Variants in RGS14 observed in about 807,000 individuals in gnomAD.
RGS14 encodes regulator of G-protein signaling 14.
RGS14 carries 33 observed loss-of-function variants against 63.8 expected under a neutral mutation model. The ratio of observed to expected loss-of-function variants is 0.52; its 90% CI spans 0.39 to 0.69. The LOEUF (loss-of-function observed/expected upper bound fraction) is 0.69, where lower values mean the gene tolerates loss of function less well. Among genes scored for constraint, RGS14 ranks in the 30% least tolerant of loss-of-function variants. The probability of loss-of-function intolerance (pLI) is 0.00; values close to 1 mark genes in which losing one functional copy is unlikely to be tolerated. For synonymous variants in RGS14, 296 were observed against 320.9 expected, an observed-to-expected ratio of 0.92 and a Z score of 0.83; for missense variants, 739 against 742.9, an observed-to-expected ratio of 0.99 and a Z score of 0.06.
chr5:177,367,943 A>T (rs1762141812), intron 7 of RGS14, 118 bp downstream of exon 7: 1 of 1,437,694 alleles, frequency 7.0e-7, no homozygotes. Context: ...ATTGAAACCC[A>T]GGTCCCAGTG....
chr5:177,370,607 A>G lies in RGS14; in HGVS notation c.1070A>G (p.Gln357Arg). The G allele has an allele frequency of 6.2e-7, 1 of 1,614,094 alleles. No homozygotes were observed. The highest frequency in any genetic ancestry group is 1.6e-4 in the Middle Eastern group (1 of 6,062). The change falls in exon 10 of 15, where the codon CAG (glutamine) becomes CGG (arginine). Residue 357 changes from glutamine to arginine, a missense_variant. Coordinates refer to ENST00000408923, the MANE Select transcript of RGS14 (RefSeq NM_006480.5). Reference sequence around the variant, plus strand: ...CCACAGAAGGCCCTGGTCCTGGATCAGGACTGCACCGTGCTGGCGGATCAG... The same window carrying G: ...CCACAGAAGGCCCTGGTCCTGGATCGGGACTGCACCGTGCTGGCGGATCAG... Reference protein sequence around the residue: ...VGNEQALVLDQDCTVLADQEV... With the variant: ...VGNEQALVLDRDCTVLADQEV...
chr5:177,366,127 G>C (rs199806053), intron 2 of RGS14, 50 bp from the exon 3 acceptor site: 41 of 1,603,798 alleles, frequency 2.6e-5, no homozygotes, highest in Non-Finnish European at 3.5e-5. Context: ...GTTGTGCCAG[G>C]GGCTGGGGAA....
chr5:177,367,330 C>A, intron 5 of RGS14, 84 bp from the exon 6 acceptor site: 1 of 1,478,700 alleles, frequency 6.8e-7, no homozygotes, highest in South Asian at 1.3e-5. Flanking sequence ...GGGGCGGGGC[C>A]AGCCCCAAGG....
In RGS14 at chr5:177,371,927, GC is replaced by G; in HGVS notation, c.1555del (p.Leu519PhefsTer2). The G allele has an allele frequency of 6.2e-7, 1 of 1,614,082 alleles. No homozygotes were observed. The highest frequency in any genetic ancestry group is 1.1e-5 in the South Asian group (1 of 91,088). On this transcript the variant is annotated frameshift_variant, in exon 15 of 15. Transcript: ENST00000408923. LOFTEE classifies it high-confidence loss of function. This position sits in a 1 kb window ranked among gnomAD's most constrained non-coding sequence, Gnocchi z 6.1. Reference protein sequence around the residue: ...VQSSGAHDQRGLLRKEDLVLP... With the variant: ...VQSSGAHDQRXLLRKEDLVLP... ...AGCAGCGGGGCCCACGACCAGAGGG[GC>G]CTTCTGAGGAAAGAGGACCTGGTAC...
chr5:177,358,001 CG>C lies in RGS14; in HGVS notation c.-20del. ...TCCCCATGGTGGGCAGCCCCCGCGG[CG>C]GGGACCCCTGATCGGCAGCGGCATG... On this transcript the variant is annotated 5_prime_UTR_variant, in exon 1 of 15. It removes the in-frame stop codon of an upstream open reading frame in the 5' UTR. Transcript: ENST00000408923. This position sits in a 1 kb window ranked among gnomAD's most constrained non-coding sequence, Gnocchi z 4.8. The C allele has an allele frequency of 1.5e-6, 2 of 1,344,368 alleles. No individual in the cohort carries two copies. Among genetic ancestry groups the C allele is most frequent in the Non-Finnish European group, 9.6e-7 (1 of 1,038,886 alleles). 83.3% of individuals were successfully genotyped at this position (1,344,368 alleles called of 1,614,324 possible).
intron 5 of RGS14, 109 bp from the exon 6 acceptor site, chr5:177,367,305 T>TCCAGCCCTAGGTTTGGGGCGGGG: frequency 7.1e-7 from 1 of 1,408,184 alleles, no homozygotes; most frequent in South Asian, 1.4e-5. Flanking sequence ...GCTTGGGAAA[T>TCCAGCCCTAGGTTTGGGGCGGGG]CCAGCCCTAG....
At position 177,358,213 on chromosome 5, in the gene RGS14, G is replaced by C; in HGVS notation, c.45+144G>C. The C allele has an allele frequency of 3.3e-6, 2 of 599,280 alleles. No individual in the cohort carries two copies. The highest frequency in any genetic ancestry group is 5.0e-6 in the Non-Finnish European group (2 of 400,262). The allele number at this position is 599,280 out of a possible 1,614,324, so 37.1% of individuals were successfully genotyped here. On this transcript the variant is annotated intron_variant, in intron 1 of 14. Coordinates refer to ENST00000408923, the MANE Select transcript of RGS14 (RefSeq NM_006480.5). This position sits in a 1 kb window ranked among gnomAD's most constrained non-coding sequence, Gnocchi z 4.8. ...AGTTGGGTACAGACAGCAGCAGGTG[G>C]TAGGACCTGGTGCTCTCACCCCTAG...
intron 3 of RGS14, 113 bp from the exon 4 acceptor site, chr5:177,366,595 T>A: frequency 1.0e-6 from 1 of 981,594 alleles, no homozygotes; most frequent in Non-Finnish European, 1.6e-6. Flanking sequence ...TGGCCCTGTC[T>A]GTCTGGCTTG....
rs11746443 is a variant in RGS14 at position 177,371,305 on chromosome 5, G to A, written c.1337-45G>A. On this transcript the variant is annotated intron_variant, in intron 12 of 14. Transcript: ENST00000408923. This position sits in a 1 kb window ranked among gnomAD's most constrained non-coding sequence, Gnocchi z 6.1. Reference sequence around the variant, plus strand: ...ACAGCTGTGGCCCAGGAGGAAGGGGGTCCAGGTGGGAGGCAAACACTAACT... The same window carrying A: ...ACAGCTGTGGCCCAGGAGGAAGGGGATCCAGGTGGGAGGCAAACACTAACT... The A allele has an allele frequency of 0.25, 409,586 of 1,613,770 alleles. 54,290 individuals carry two copies. Among genetic ancestry groups the A allele is most frequent in the South Asian group, 0.28 (25,166 of 91,068 alleles).
At position 177,364,949 on chromosome 5, in the gene RGS14, C is replaced by T. The variant is rs1197009645; in HGVS notation, c.46-1014C>T. Among the ~76,000 whole-genome samples the T allele has an allele frequency of 2.0e-5, 3 of 152,148 alleles. No individual in the cohort carries two copies. The highest frequency in any genetic ancestry group is 7.2e-5 in the African/African-American group (3 of 41,410). ...CAGGCCCCATCTTGGACCTACTGAA[C>T]CTGAATCTCCAGAGGTGGGGTCCTC... is the stretch of plus-strand genomic sequence containing the variant. On this transcript the variant is annotated intron_variant, in intron 1 of 14. Coordinates refer to ENST00000408923, the MANE Select transcript of RGS14 (RefSeq NM_006480.5). The surrounding 1 kb of genome is among the most constrained non-coding windows in gnomAD (Gnocchi z 4.6).
chr5:177,371,382 C>A lies in RGS14; in HGVS notation c.1369C>A (p.Pro457Thr), dbSNP rs758447544. Residue 457 changes from proline (P) to threonine (T), a missense_variant, in exon 13 of 15, where the codon CCC (proline) becomes ACC (threonine). Physicochemically the swap from Pro to Thr is conservative, Grantham distance 38. Coordinates refer to ENST00000408923, the MANE Select transcript of RGS14 (RefSeq NM_006480.5). The surrounding 1 kb of genome is among the most constrained non-coding windows in gnomAD (Gnocchi z 6.1). ...GATCTCCAAAGCCCGTGACAAATCTCCCTGCCGCAGCCAGGTGAGCGAAAG... is the reference window on the plus strand; with the variant it reads ...GATCTCCAAAGCCCGTGACAAATCTACCTGCCGCAGCCAGGTGAGCGAAAG... Reference protein sequence around the residue: ...VKISKARDKSPCRSQGCPPRT... With the variant: ...VKISKARDKSTCRSQGCPPRT... The A allele has an allele frequency of 1.6e-5, 26 of 1,613,574 alleles. No homozygotes were observed. The highest frequency in any genetic ancestry group is 1.9e-5 in the Non-Finnish European group (23 of 1,179,888).
At position 177,371,727 on chromosome 5, in the gene RGS14, G is replaced by A. The variant is rs1762275745; in HGVS notation, c.1498+138G>A. On this transcript the variant is annotated intron_variant, in intron 14 of 14. Transcript: ENST00000408923. The surrounding 1 kb of genome is among the most constrained non-coding windows in gnomAD (Gnocchi z 6.1). ...GTGGAACAGGAAGGATGGGGGTTGG[G>A]GGGTCAAAGGGGCTGGAACAGGGGG... The A allele has an allele frequency of 8.3e-7, 1 of 1,204,432 alleles. No individual in the cohort carries two copies. Among genetic ancestry groups the A allele is most frequent in the Non-Finnish European group, 1.2e-6 (1 of 850,966 alleles). The allele number at this position is 1,204,432 out of a possible 1,614,324, so 74.6% of individuals were successfully genotyped here. A position where few individuals can be genotyped will look rare whatever the true frequency, so the allele number is the denominator to read the frequency against.
Position 177,368,160 on chromosome 5 carries a change from T to G in RGS14, c.743T>G (p.Leu248Arg), listed in dbSNP as rs766600843. The change falls in exon 8 of 15, where the codon CTG (leucine) becomes CGG (arginine). Residue 248 changes from leucine to arginine, a missense_variant. Leu to Arg is a moderately radical substitution (Grantham distance 102). Coordinates refer to ENST00000408923, the MANE Select transcript of RGS14 (RefSeq NM_006480.5). ...RPLRKSFRRE[L>R]GGTANAALRR... Reference sequence around the variant, plus strand: ...TTCATCGCTCCCTCTTCACTAGAGCTGGGCGGGACTGCAAACGCCGCCTTG... The same window carrying G: ...TTCATCGCTCCCTCTTCACTAGAGCGGGGCGGGACTGCAAACGCCGCCTTG... The G allele has an allele frequency of 2.0e-5, 32 of 1,612,962 alleles. No individual in the cohort carries two copies. Among genetic ancestry groups the G allele is most frequent in the Non-Finnish European group, 2.6e-5 (31 of 1,179,794 alleles).
chr5:177,368,947 TAACC>T, intron 9 of RGS14, 27 bp downstream of exon 9: 1 of 1,603,070 alleles, frequency 6.2e-7, no homozygotes, highest in African/African-American at 1.3e-5. Context: ...GCTCCAACTC[TAACC>T]TCCTTCCTGA....
In RGS14 at chr5:177,364,787, T is replaced by C. The variant is rs1278391519; in HGVS notation, c.46-1176T>C. On this transcript the variant is annotated intron_variant, in intron 1 of 14. Coordinates refer to ENST00000408923, the MANE Select transcript of RGS14 (RefSeq NM_006480.5). This position sits in a 1 kb window ranked among gnomAD's most constrained non-coding sequence, Gnocchi z 4.6. ...GAGAGTTTTTCTGTTTCACTAATGA[T>C]TGGGATTCCCAGAGAAACCAGAGTT... is the stretch of plus-strand genomic sequence containing the variant. Among the ~76,000 whole-genome samples, 1 of 152,138 alleles carries C rather than the reference T, an allele frequency of 6.6e-6. No individual in the cohort carries two copies. Among genetic ancestry groups the C allele is most frequent in the Non-Finnish European group, 1.5e-5 (1 of 68,032 alleles).
rs2127336258 is a variant in RGS14, at chr5:177,370,670, T to G, written c.1127+6T>G. Reference sequence around the variant, plus strand: ...GAAAACAGGATCACCTTCGAGTGAGTGTCCTGCCCCCAAGTCTGGGTCCCA... The same window carrying G: ...GAAAACAGGATCACCTTCGAGTGAGGGTCCTGCCCCCAAGTCTGGGTCCCA... On this transcript the variant is annotated splice_donor_region_variant and intron_variant, in intron 10 of 14. Coordinates refer to ENST00000408923, the MANE Select transcript of RGS14 (RefSeq NM_006480.5). 2 of 1,613,690 alleles carry G rather than the reference T, an allele frequency of 1.2e-6. No individual in the cohort carries two copies. Among genetic ancestry groups the G allele is most frequent in the East Asian group, 4.5e-5 (2 of 44,860 alleles).
intron 1 of RGS14, among the ~76,000 whole-genome samples, chr5:177,360,569 A>T (rs1170618063): frequency 5.7e-5 from 7 of 122,984 alleles, no homozygotes; most frequent in African/African-American, 2.7e-4. Context: ...CCTATATTAA[A>T]AAAAAAAAAA....
intron 9 of RGS14, among the ~76,000 whole-genome samples, chr5:177,370,094 G>A (rs1438088474): frequency 6.6e-6 from 1 of 152,240 alleles, no homozygotes; most frequent in Admixed American, 6.5e-5. Context: ...GAAACAAGAA[G>A]TGTCCTTAGT....
At chr5:177,367,322 G>A in intron 5 of RGS14, 92 bp from the exon 6 acceptor site, 6 of 1,457,802 alleles carry the variant, frequency 4.1e-6, no homozygotes, top group Non-Finnish European at 5.5e-6. Flanking sequence ...CTAGGTTTGG[G>A]GCGGGGCCAG....
Sources: gnomAD v4.1 joint callset for allele counts (sites outside exome capture counted in the v4.1 genomes callset) on GRCh38, gnomAD v4.1.1 for gene constraint, Gnocchi (gnomAD v3.1) non-coding constraint, MANE v1.5 for transcripts, NCBI Gene and HGNC (gene_info 2026-07-23, HGNC 2026-07-21) for gene names.